EFCAB7: variants seen among roughly 807,000 people sequenced by gnomAD.
EFCAB7 encodes the protein EF-hand calcium binding domain 7.
In EFCAB7, 66 loss-of-function variants were observed where a neutral mutation model predicts 77.1. That is an observed-to-expected ratio of 0.86 (90% CI 0.70 to 1.05). The LOEUF (loss-of-function observed/expected upper bound fraction) is 1.05. Among genes scored for constraint, EFCAB7 ranks in the 50% least tolerant of loss-of-function variants. The pLI is 0.00. For synonymous variants in EFCAB7, 225 were observed against 243.3 expected (o/e 0.92, Z 0.70); for missense variants, 638 against 730.5 (o/e 0.87, Z 1.46).
At chr1:63,567,432 G>A (rs1439308691) in intron 11 of EFCAB7, among the ~76,000 whole-genome samples, 2 of 151,282 alleles carry the variant, frequency 1.3e-5, no homozygotes, top group East Asian at 1.9e-4. Context: ...CAGCCTGGGC[G>A]ACAAGAGCAA....
chr1:63,557,243 C>T lies in EFCAB7; in HGVS notation c.1344C>T (p.Cys448=). The change falls in exon 10 of 14, where the codon TGC becomes TGT. Residue 448 remains cysteine, a synonymous_variant. Coordinates refer to ENST00000371088, the MANE Select transcript of EFCAB7 (RefSeq NM_032437.4). ...EKCDEDAWAV[C]RENFDTKRNE... ...GTGATGAAGATGCTTGGGCTGTCTG[C>T]AGAGGTAAGCACTTTTCTTTTCCTT... The T allele has an allele frequency of 6.2e-7, 1 of 1,601,648 alleles. No individual in the cohort carries two copies. The highest frequency in any genetic ancestry group is 8.5e-7 in the Non-Finnish European group (1 of 1,177,114).
chr1:63,525,534 C>T (rs759944228), intron 1 of EFCAB7, 38 bp from the exon 2 acceptor site: 2 of 1,407,930 alleles, frequency 1.4e-6, no homozygotes, highest in Non-Finnish European at 1.9e-6. Flanking sequence ...TTTAGTGACT[C>T]ACATTGACAA....
intron 6 of EFCAB7, among the ~76,000 whole-genome samples, chr1:63,537,688 T>G (rs1646779435): frequency 6.6e-6 from 1 of 152,210 alleles, no homozygotes; most frequent in South Asian, 2.1e-4. Context: ...TAAGTATGTA[T>G]AGTTTACAAT....
chr1:63,552,735 T>C (rs1646981432), intron 8 of EFCAB7, among the ~76,000 whole-genome samples: 1 of 152,150 alleles, frequency 6.6e-6, no homozygotes, highest in South Asian at 2.1e-4. Flanking sequence ...CTTACTACAG[T>C]ATCATATTTA....
chr1:63,571,530 G>A (rs1021485446), intron 13 of EFCAB7, among the ~76,000 whole-genome samples: 8 of 151,744 alleles, frequency 5.3e-5, no homozygotes, highest in African/African-American at 7.3e-5. Context: ...AAAATTAGCC[G>A]GACATGGTGG....
intron 11 of EFCAB7, among the ~76,000 whole-genome samples, chr1:63,567,429 G>A (rs966511906): frequency 6.6e-6 from 1 of 151,894 alleles, no homozygotes; most frequent in Non-Finnish European, 1.5e-5. Context: ...CTCCAGCCTG[G>A]GCGACAAGAG....
At chr1:63,558,817 C>G (rs1335837209) in intron 10 of EFCAB7, among the ~76,000 whole-genome samples, 1 of 151,500 alleles carries the variant, frequency 6.6e-6, no homozygotes, top group Non-Finnish European at 1.5e-5. Flanking sequence ...GGCTGGAGTG[C>G]AGTGGCGTGA....
At chr1:63,538,853 T>C (rs1464884448) in intron 6 of EFCAB7, among the ~76,000 whole-genome samples, 1 of 152,232 alleles carries the variant, frequency 6.6e-6, no homozygotes, top group Non-Finnish European at 1.5e-5. Context: ...TAAGTTCTCC[T>C]AGTGAAGTTA....
Position 63,562,494 on chromosome 1 carries a change from T to A in EFCAB7, c.1497+637T>A, listed in dbSNP as rs867150252. Among the ~76,000 whole-genome samples, 466 of 101,596 alleles carry A rather than the reference T, an allele frequency of 4.6e-3. 7 individuals are homozygous for A. The highest frequency in any genetic ancestry group is 0.024 in the African/African-American group (432 of 18,062). The allele number at this position is 101,596 out of a possible 152,430, so 66.7% of individuals were successfully genotyped here. A position where few individuals can be genotyped will look rare whatever the true frequency, so the allele number is the denominator to read the frequency against. On this transcript the variant is annotated intron_variant, in intron 11 of 13. Transcript: ENST00000371088. ...ATATATATATATATATATATATATATAAAACTTTTTTTTTTTTTAATTTGA... is the reference window on the plus strand; with the variant it reads ...ATATATATATATATATATATATATAAAAAACTTTTTTTTTTTTTAATTTGA...
intron 11 of EFCAB7, among the ~76,000 whole-genome samples, chr1:63,565,340 G>C (rs941423147): frequency 1.3e-5 from 2 of 150,284 alleles, no homozygotes; most frequent in Non-Finnish European, 3.0e-5. Context: ...GCCTGGGCGA[G>C]AGTGCGAGAC....
Position 63,524,284 on chromosome 1 carries a change from A to G in EFCAB7, c.-2+650A>G, listed in dbSNP as rs563839703. Among the ~76,000 whole-genome samples, 47 of 152,330 alleles carry G rather than the reference A, an allele frequency of 3.1e-4. No homozygotes were observed. The South Asian group carries it at 8.3e-3, about 27-fold the overall frequency. Reference sequence around the variant, plus strand: ...CATTTGTGAGGAGATGCATGCACACATATGTGTTTAGAACTCTGATGCTTA... The same window carrying G: ...CATTTGTGAGGAGATGCATGCACACGTATGTGTTTAGAACTCTGATGCTTA... On this transcript the variant is annotated intron_variant, in intron 1 of 13. Transcript: ENST00000371088.
intron 11 of EFCAB7, 134 bp downstream of exon 11, chr1:63,561,991 G>A (rs1647107177): frequency 6.2e-6 from 3 of 480,116 alleles, no homozygotes; most frequent in East Asian, 3.6e-5. Flanking sequence ...AATCCTGGGT[G>A]CAACAACATG....
At chr1:63,551,607 G>T in intron 7 of EFCAB7, 118 bp from the exon 8 acceptor site, 2 of 435,152 alleles carry the variant, frequency 4.6e-6, no homozygotes, top group East Asian at 3.9e-5. Flanking sequence ...AAAAAACATG[G>T]AATATGTATT....
chr1:63,546,007 G>C lies in EFCAB7; in HGVS notation c.896G>C (p.Arg299Thr). The change falls in exon 7 of 14, where the codon AGG becomes ACG. Residue 299 changes from arginine to threonine, a missense_variant. Coordinates refer to ENST00000371088, the MANE Select transcript of EFCAB7 (RefSeq NM_032437.4). Reference sequence around the variant, plus strand: ...CAGTACAGGATGCAAATAGCTCAGAGGTCCATGGTTTATCTAACAATTAAG... The same window carrying C: ...CAGTACAGGATGCAAATAGCTCAGACGTCCATGGTTTATCTAACAATTAAG... ...SHQYRMQIAQ[R>T]SMVYLTIKPL... is the part of the protein sequence containing the mutation. 6.2e-7 allele frequency: 1 copy of C among 1,613,798 alleles called. No individual in the cohort carries two copies. Among genetic ancestry groups the C allele is most frequent in the East Asian group, 2.2e-5 (1 of 44,822 alleles).
rs568775906 is a variant in EFCAB7, at chr1:63,542,160, A to G, written c.805-3756A>G. ...CTACTTTCTGTCTCTCTGAATTTGA[A>G]GTGGTCAAATTCACTTAAACCTCAT... On this transcript the variant is annotated intron_variant, in intron 6 of 13. Coordinates refer to ENST00000371088, the MANE Select transcript of EFCAB7 (RefSeq NM_032437.4). 7.5e-4 allele frequency among the ~76,000 whole-genome samples: 114 copies of G among 152,224 alleles called. 5 individuals carry two copies. The highest frequency in any genetic ancestry group is 4.6e-4 in the Non-Finnish European group (31 of 68,012).
At chr1:63,563,168 T>A (rs1413314163) in intron 11 of EFCAB7, among the ~76,000 whole-genome samples, 1 of 152,180 alleles carries the variant, frequency 6.6e-6, no homozygotes, top group African/African-American at 2.4e-5. Flanking sequence ...AATTTAAGAC[T>A]TTTTACCACA....
At chr1:63,552,242 TTAAA>T (rs1157308210) in intron 8 of EFCAB7, among the ~76,000 whole-genome samples, 2 of 152,090 alleles carry the variant, frequency 1.3e-5, no homozygotes, top group Admixed American at 1.3e-4. Flanking sequence ...AAAAAAAAAT[TTAAA>T]TAAAGAATTG....
intron 5 of EFCAB7, among the ~76,000 whole-genome samples, 159 bp downstream of exon 5, chr1:63,533,808 A>T (rs1406046540): frequency 6.6e-6 from 1 of 152,152 alleles, no homozygotes; most frequent in Non-Finnish European, 1.5e-5. Flanking sequence ...AAATCTATTG[A>T]AGTAAAATTT....
the EFCAB7 span, among the ~76,000 whole-genome samples, chr1:63,580,470 T>G: frequency 0.35 from 53,045 of 152,072 alleles, 9,413 homozygotes; most frequent in East Asian, 0.48. Context: ...TTGTCCTGAT[T>G]ACAGTAGCTT....
Sources: gnomAD v4.1 joint callset for allele counts (sites outside exome capture counted in the v4.1 genomes callset) on GRCh38, gnomAD v4.1.1 for gene constraint, MANE v1.5 for transcripts, NCBI Gene and HGNC (gene_info 2026-07-23, HGNC 2026-07-21) for gene names.